NCBP3: variants seen among roughly 807,000 people sequenced by gnomAD.
NCBP3 encodes nuclear cap-binding protein subunit 3.
NCBP3 carries 20 observed loss-of-function variants against 75.7 expected under a neutral mutation model. That is an observed-to-expected ratio of 0.26 (90% CI 0.19 to 0.38). The LOEUF (loss-of-function observed/expected upper bound fraction) is 0.38, where lower values mean the gene tolerates loss of function less well. Ranked by LOEUF, NCBP3 falls within the 10% of genes least tolerant of loss-of-function variation. The probability of loss-of-function intolerance (pLI) is 1.00; values close to 1 mark genes in which losing one functional copy is unlikely to be tolerated. For synonymous variants in NCBP3, 293 were observed against 290.5 expected (o/e 1.01, Z -0.09); for missense variants, 678 against 796.9 (o/e 0.85, Z 1.80).
rs571369168 is a variant in NCBP3, at chr17:3,803,132, A to C, written c.*9912T>G. On this transcript the variant is annotated 3_prime_UTR_variant, in exon 13 of 13. Transcript: ENST00000389005. The stretch of plus-strand genomic sequence containing the variant: ...CACGCAGCACAAGGCTGGCTGTTTG[A>C]CAAATACACACATAACCAAAAGACA... The C allele has an allele frequency of 6.6e-6, 1 of 152,336 alleles. No homozygotes were observed. Among genetic ancestry groups the C allele is most frequent in the Admixed American group, 6.5e-5 (1 of 15,304 alleles). 9.4% of individuals were successfully genotyped at this position (152,336 alleles called of 1,614,324 possible).
rs572427002 is a variant in NCBP3, at chr17:3,846,180, G to A, written c.44C>T (p.Ala15Val). ...GAGCCCCAGGGCCGGCCCCGCCGGGGCCTCCGCCTTCACCGACACCCGCAG... is the reference window on the plus strand; with the variant it reads ...GAGCCCCAGGGCCGGCCCCGCCGGGACCTCCGCCTTCACCGACACCCGCAG... The part of the protein sequence containing the change: ...RGLRVSVKAE[A>V]PAGPALGLPS... Residue 15 changes from alanine (A) to valine (V), a missense_variant, in exon 1 of 13, where the codon GCC (alanine) becomes GTC (valine). Physicochemically the swap from Ala to Val is moderately conservative, Grantham distance 64. Coordinates refer to ENST00000389005, the MANE Select transcript of NCBP3 (RefSeq NM_001114118.3). The surrounding 1 kb of genome is among the most constrained non-coding windows in gnomAD (Gnocchi z 4.6). The A allele has an allele frequency of 8.5e-5, 129 of 1,518,288 alleles. No individual in the cohort carries two copies. In the African/African-American group the frequency reaches 1.4e-3, roughly 17 times the overall value. The allele number at this position is 1,518,288 out of a possible 1,614,324, so 94.1% of individuals were successfully genotyped here.
Position 3,810,094 on chromosome 17 carries a change from C to T in NCBP3, c.*2950G>A, listed in dbSNP as rs1431821993. The T allele has an allele frequency of 4.6e-5, 7 of 152,216 alleles. No homozygotes were observed. The highest frequency in any genetic ancestry group is 4.6e-4 in the Admixed American group (7 of 15,282). 9.4% of individuals were successfully genotyped at this position (152,216 alleles called of 1,614,324 possible). A position where few individuals can be genotyped will look rare whatever the true frequency, so the allele number is the denominator to read the frequency against. Reference sequence around the variant, plus strand: ...AATTGATTACGGTGCTGGTGCATAACTGTAAATATACTAAAAGCCACTCAA... The same window carrying T: ...AATTGATTACGGTGCTGGTGCATAATTGTAAATATACTAAAAGCCACTCAA... On this transcript the variant is annotated 3_prime_UTR_variant, in exon 13 of 13. Transcript: ENST00000389005.
At chr17:3,840,524 T>C (rs1051693070) in intron 2 of NCBP3, among the ~76,000 whole-genome samples, 1 of 152,242 alleles carries the variant, frequency 6.6e-6, no homozygotes, top group Non-Finnish European at 1.5e-5. Flanking sequence ...ACTTCATTTG[T>C]TATTATCAAT....
At chr17:3,832,294 T>C (rs1322418704) in intron 3 of NCBP3, among the ~76,000 whole-genome samples, 1 of 119,114 alleles carries the variant, frequency 8.4e-6, no homozygotes, top group African/African-American at 2.5e-5. Context: ...TATACCCACC[T>C]ACTATGTACC....
At chr17:3,824,365 C>T (rs1567587074) in intron 7 of NCBP3, 3 of 134,226 alleles carry the variant, frequency 2.2e-5, no homozygotes, top group Non-Finnish European at 3.1e-5. Context: ...TACACACACA[C>T]ATACACATAC....
chr17:3,844,464 AT>A (rs1386931119), intron 1 of NCBP3, among the ~76,000 whole-genome samples: 3 of 152,124 alleles, frequency 2.0e-5, no homozygotes, highest in Non-Finnish European at 4.4e-5. Flanking sequence ...GCTTTTTGTC[AT>A]TTAGAGTTTA....
At chr17:3,843,231 G>T in intron 1 of NCBP3, 80 bp from the exon 2 acceptor site, 1 of 1,102,100 alleles carries the variant, frequency 9.1e-7, no homozygotes, top group Non-Finnish European at 1.3e-6. Context: ...GACATCTGCA[G>T]GTTCTTTTTT....
In NCBP3 at chr17:3,816,267, G is replaced by A. The variant is rs148209417; in HGVS notation, c.1314C>T (p.Asn438=). Residue 438 remains asparagine (N), a synonymous_variant, in exon 11 of 13, where the codon AAC becomes AAT. Transcript: ENST00000389005. The part of the protein sequence containing the change: ...EVESQLKNIR[N]SMRADSVSSS... ...AAGATACACTATCTGCCCTCATGGAGTTCCTTTAAAAAGGGGGTAGGATGG... is the reference window on the plus strand; with the variant it reads ...AAGATACACTATCTGCCCTCATGGAATTCCTTTAAAAAGGGGGTAGGATGG... 2.7e-4 allele frequency: 437 copies of A among 1,612,556 alleles called. No individual in the cohort carries two copies. The highest frequency in any genetic ancestry group is 3.4e-4 in the Non-Finnish European group (406 of 1,179,420).
chr17:3,825,690 T>A (rs1597402553), intron 6 of NCBP3, 77 bp downstream of exon 6: 2 of 1,032,564 alleles, frequency 1.9e-6, no homozygotes, highest in East Asian at 5.2e-5. Context: ...CGTAACTAAG[T>A]CTTTAAGGCT....
chr17:3,835,565 G>A (rs958377883), intron 3 of NCBP3, among the ~76,000 whole-genome samples: 9 of 152,248 alleles, frequency 5.9e-5, no homozygotes, highest in South Asian at 2.1e-4. Flanking sequence ...AGTAACTGAC[G>A]GACAGAAATT....
At chr17:3,826,285 A>G in intron 4 of NCBP3, 70 bp from the exon 5 acceptor site, 1 of 1,396,248 alleles carries the variant, frequency 7.2e-7, no homozygotes. Flanking sequence ...CAGATTCTGC[A>G]TCGCATTCAT....
At position 3,812,821 on chromosome 17, in the gene NCBP3, A is replaced by C; in HGVS notation, c.*223T>G. On this transcript the variant is annotated 3_prime_UTR_variant, in exon 13 of 13. Coordinates refer to ENST00000389005, the MANE Select transcript of NCBP3 (RefSeq NM_001114118.3). Reference sequence around the variant, plus strand: ...GGGTAAAGCCTGTGGGGTGGTGGGAAAGGAATCGAGGGCCCAGAACTACAA... The same window carrying C: ...GGGTAAAGCCTGTGGGGTGGTGGGACAGGAATCGAGGGCCCAGAACTACAA... 7.3e-7 allele frequency: 1 copy of C among 1,376,996 alleles called. No homozygotes were observed. Among genetic ancestry groups the C allele is most frequent in the Non-Finnish European group, 9.4e-7 (1 of 1,064,460 alleles). 85.3% of individuals were successfully genotyped at this position (1,376,996 alleles called of 1,614,324 possible).
intron 7 of NCBP3, chr17:3,822,575 T>A (rs1432272508): frequency 6.6e-6 from 1 of 152,346 alleles, no homozygotes; most frequent in Non-Finnish European, 1.5e-5. Flanking sequence ...ATACTATACA[T>A]GTAGAATGTA....
rs533919189 is a variant in NCBP3, at chr17:3,810,688, G to A, written c.*2356C>T. ...AGAAACTAATAAGGCCAGTAACTCC[G>A]AGAAGTAAAAATCTTTAAAGCTGCC... On this transcript the variant is annotated 3_prime_UTR_variant, in exon 13 of 13. Coordinates refer to ENST00000389005, the MANE Select transcript of NCBP3 (RefSeq NM_001114118.3). 1 of 152,184 alleles carries A rather than the reference G, an allele frequency of 6.6e-6. No homozygotes were observed. The highest frequency in any genetic ancestry group is 1.9e-4 in the East Asian group (1 of 5,188). 9.4% of individuals were successfully genotyped at this position (152,184 alleles called of 1,614,324 possible).
intron 6 of NCBP3, among the ~76,000 whole-genome samples, chr17:3,825,400 T>C (rs2053765975): frequency 6.6e-6 from 1 of 152,198 alleles, no homozygotes; most frequent in South Asian, 2.1e-4. Context: ...TAGAATATGG[T>C]ATATAATAGG....
intron 1 of NCBP3, 89 bp from the exon 2 acceptor site, chr17:3,843,240 T>G: frequency 1.0e-6 from 1 of 1,002,984 alleles, no homozygotes; most frequent in Non-Finnish European, 1.4e-6. Flanking sequence ...AGGTTCTTTT[T>G]TCCTTTTTTT....
chr17:3,828,874 T>C (rs191373992), intron 4 of NCBP3, among the ~76,000 whole-genome samples: 90 of 152,258 alleles, frequency 5.9e-4, no homozygotes, highest in Non-Finnish European at 9.1e-4. Context: ...CAGAAGGCAG[T>C]AATGACAAAG....
chr17:3,830,361 C>T (rs902289897), intron 3 of NCBP3, among the ~76,000 whole-genome samples: 1 of 152,038 alleles, frequency 6.6e-6, no homozygotes, highest in African/African-American at 2.4e-5. Flanking sequence ...TAATTATATA[C>T]CACAGAAAGA....
rs2053311536 is a variant in NCBP3, at chr17:3,804,084, T to A, written c.*8960A>T. 6.6e-6 allele frequency: 1 copy of A among 151,996 alleles called. No individual in the cohort carries two copies. The highest frequency in any genetic ancestry group is 6.6e-5 in the Admixed American group (1 of 15,246). The allele number at this position is 151,996 out of a possible 1,614,324, so 9.4% of individuals were successfully genotyped here. A position where few individuals can be genotyped will look rare whatever the true frequency, so the allele number is the denominator to read the frequency against. On this transcript the variant is annotated 3_prime_UTR_variant, in exon 13 of 13. Coordinates refer to ENST00000389005, the MANE Select transcript of NCBP3 (RefSeq NM_001114118.3). ...GAGCGAGACTCCGTCTCAGAAAAAG[T>A]GGCCAGGTGCACTTGTAGTCACAGT...
Sources: allele counts gnomAD v4.1 joint callset (sites outside exome capture counted in the v4.1 genomes callset), GRCh38; gene constraint gnomAD v4.1.1; non-coding constraint Gnocchi (gnomAD v3.1); transcripts MANE v1.5; gene names NCBI Gene and HGNC (gene_info 2026-07-23, HGNC 2026-07-21).